Variants in TMEM170B observed in about 807,000 individuals in gnomAD.
TMEM170B encodes transmembrane protein 170B.
TMEM170B carries 6 observed loss-of-function variants against 13.0 expected under a neutral mutation model. The ratio of observed to expected loss-of-function variants is 0.46; its 90% CI spans 0.25 to 0.91. The LOEUF is 0.91. TMEM170B is among the 40% of genes least tolerant of loss of function. The probability of loss-of-function intolerance (pLI) is 0.17; values close to 1 mark genes in which losing one functional copy is unlikely to be tolerated. For missense variants in TMEM170B, 138 were observed against 165.2 expected, an observed-to-expected ratio of 0.84 and a Z score of 0.90; for synonymous variants, 61 against 64.9, an observed-to-expected ratio of 0.94 and a Z score of 0.29.
chr6:11,580,596 C>T lies in TMEM170B; in HGVS notation c.*5035C>T, dbSNP rs773928923. ...GTAAATTACTATTTCTTTTAATAAT[C>T]GGGTGAAACTCTGAATTGTTAAAAC... On this transcript the variant is annotated 3_prime_UTR_variant, in exon 3 of 3. Transcript: ENST00000379426. The T allele has an allele frequency of 3.3e-5, 5 of 152,228 alleles. No individual in the cohort carries two copies. Among genetic ancestry groups the T allele is most frequent in the Admixed American group, 6.5e-5 (1 of 15,296 alleles). The allele number at this position is 152,228 out of a possible 1,614,324, so 9.4% of individuals were successfully genotyped here.
chr6:11,547,544 C>T (rs973483151), intron 1 of TMEM170B, among the ~76,000 whole-genome samples: 6 of 152,054 alleles, frequency 3.9e-5, no homozygotes, highest in African/African-American at 1.4e-4. Context: ...AAGTCCTTAC[C>T]CTTGATAGGT....
chr6:11,549,511 AAGTT>A (rs60383144), intron 1 of TMEM170B, among the ~76,000 whole-genome samples: 8,775 of 152,070 alleles, frequency 0.058, 268 homozygotes, highest in East Asian at 0.16. Flanking sequence ...AAAATACAAA[AAGTT>A]AGCCAGGCGT....
intron 2 of TMEM170B, among the ~76,000 whole-genome samples, chr6:11,572,025 A>G (rs1276245047): frequency 6.6e-6 from 1 of 152,214 alleles, no homozygotes; most frequent in East Asian, 1.9e-4. Context: ...TAAAAAACAA[A>G]AAAGGATGTC....
intron 2 of TMEM170B, among the ~76,000 whole-genome samples, chr6:11,571,621 T>G (rs1182925982): frequency 6.6e-6 from 1 of 152,186 alleles, no homozygotes; most frequent in Admixed American, 6.6e-5. Flanking sequence ...CCTATCCCAC[T>G]TCTCTGCATG....
intron 1 of TMEM170B, among the ~76,000 whole-genome samples, chr6:11,564,690 G>A (rs1233054769): frequency 6.6e-6 from 1 of 152,202 alleles, no homozygotes; most frequent in African/African-American, 2.4e-5. Context: ...AACTCATTAA[G>A]GGACTTGATT....
intron 1 of TMEM170B, among the ~76,000 whole-genome samples, chr6:11,558,493 C>T (rs565118017): frequency 6.6e-6 from 1 of 152,190 alleles, no homozygotes; most frequent in South Asian, 2.1e-4. Context: ...TAAAAAATTC[C>T]AGTGCCCAAG....
rs1759946613 is a variant in TMEM170B at position 11,580,841 on chromosome 6, G to A, written c.*5280G>A. On this transcript the variant is annotated 3_prime_UTR_variant, in exon 3 of 3. Transcript: ENST00000379426. Reference sequence around the variant, plus strand: ...TACTGGATGAGTATGTATACTGCATGTTTACACATGCTGTGTTTCTTTATA... The same window carrying A: ...TACTGGATGAGTATGTATACTGCATATTTACACATGCTGTGTTTCTTTATA... The A allele has an allele frequency of 6.6e-6, 1 of 152,182 alleles. No homozygotes were observed. Among genetic ancestry groups the A allele is most frequent in the African/African-American group, 2.4e-5 (1 of 41,446 alleles). 9.4% of individuals were successfully genotyped at this position (152,182 alleles called of 1,614,324 possible). A position where few individuals can be genotyped will look rare whatever the true frequency, so the allele number is the denominator to read the frequency against.
At chr6:11,570,305 G>C (rs958370092) in intron 2 of TMEM170B, among the ~76,000 whole-genome samples, 39 of 152,086 alleles carry the variant, frequency 2.6e-4, no homozygotes, top group African/African-American at 8.7e-4. Flanking sequence ...AGTTTTATTG[G>C]TGTGGAGAAA....
At chr6:11,544,184 C>T (rs754638723) in intron 1 of TMEM170B, among the ~76,000 whole-genome samples, 7 of 152,096 alleles carry the variant, frequency 4.6e-5, no homozygotes, top group African/African-American at 1.7e-4. Context: ...ATAAATATTA[C>T]GGTACAGGTT....
At chr6:11,544,276 T>C (rs180749250) in intron 1 of TMEM170B, among the ~76,000 whole-genome samples, 7 of 152,266 alleles carry the variant, frequency 4.6e-5, no homozygotes, top group African/African-American at 1.7e-4. Context: ...TCAAAGGAAA[T>C]ACTAGAACAT....
At chr6:11,571,589 A>T (rs1447844309) in intron 2 of TMEM170B, among the ~76,000 whole-genome samples, 2 of 152,044 alleles carry the variant, frequency 1.3e-5, no homozygotes, top group East Asian at 3.9e-4. Context: ...GCAGATCCGC[A>T]TGCGTTATTT....
At position 11,579,556 on chromosome 6, in the gene TMEM170B, A is replaced by G. The variant is rs1759924440; in HGVS notation, c.*3995A>G. 6.6e-6 allele frequency: 1 copy of G among 152,262 alleles called. No homozygotes were observed. Among genetic ancestry groups the G allele is most frequent in the Admixed American group, 6.5e-5 (1 of 15,290 alleles). 9.4% of individuals were successfully genotyped at this position (152,262 alleles called of 1,614,324 possible). A position where few individuals can be genotyped will look rare whatever the true frequency, so the allele number is the denominator to read the frequency against. ...TCCTTACATATGCTTTAGGAAAGAA[A>G]CTAAAAACGTTTTCTTATAATCTTG... On this transcript the variant is annotated 3_prime_UTR_variant, in exon 3 of 3. Transcript: ENST00000379426.
chr6:11,567,101 G>T (rs1424747893), intron 2 of TMEM170B, among the ~76,000 whole-genome samples: 1 of 152,194 alleles, frequency 6.6e-6, no homozygotes, highest in African/African-American at 2.4e-5. Flanking sequence ...ATTCCTGGTG[G>T]GTGGGGGCAG....
chr6:11,564,829 C>T (rs146482648), intron 1 of TMEM170B, among the ~76,000 whole-genome samples: 37 of 152,272 alleles, frequency 2.4e-4, no homozygotes, highest in African/African-American at 7.9e-4. Flanking sequence ...TCAGTTGGTC[C>T]CAATCCAGAA....
In TMEM170B at chr6:11,538,320, G is replaced by C. The variant is rs1312893197; in HGVS notation, c.43G>C (p.Val15Leu). 39 of 1,498,678 alleles carry C rather than the reference G, an allele frequency of 2.6e-5. No individual in the cohort carries two copies. The highest frequency in any genetic ancestry group is 4.7e-5 in the Admixed American group (2 of 42,352). The allele number at this position is 1,498,678 out of a possible 1,614,324, so 92.8% of individuals were successfully genotyped here. A position where few individuals can be genotyped will look rare whatever the true frequency, so the allele number is the denominator to read the frequency against. The change falls in exon 1 of 3, where the codon GTG becomes CTG. Residue 15 changes from valine (V) to leucine (L), a missense_variant. Physicochemically the swap from Val to Leu is conservative, Grantham distance 32. Coordinates refer to ENST00000379426, the MANE Select transcript of TMEM170B (RefSeq NM_001100829.3). ...CGACCACTCCATGATCAACCTGTCG[G>C]TGCAGCAGGTCCTGAGCCTCTGGGC... ...GGDHSMINLS[V>L]QQVLSLWAHG...
chr6:11,539,689 G>A (rs1005350182), intron 1 of TMEM170B, among the ~76,000 whole-genome samples: 4 of 152,158 alleles, frequency 2.6e-5, no homozygotes, highest in African/African-American at 9.7e-5. Context: ...TATAATTCTG[G>A]AAAACTAAAT....
intron 1 of TMEM170B, among the ~76,000 whole-genome samples, chr6:11,549,978 C>T (rs1000363364): frequency 3.6e-4 from 55 of 151,778 alleles, no homozygotes; most frequent in African/African-American, 1.3e-3. Flanking sequence ...TATGTTATCC[C>T]ATATACTTAC....
At chr6:11,564,684 C>T (rs1025299055) in intron 1 of TMEM170B, among the ~76,000 whole-genome samples, 2 of 152,214 alleles carry the variant, frequency 1.3e-5, no homozygotes, top group Non-Finnish European at 2.9e-5. Flanking sequence ...AGAAATAACT[C>T]ATTAAGGGAC....
chr6:11,538,541 C>G (rs1006302501), intron 1 of TMEM170B, among the ~76,000 whole-genome samples, 167 bp downstream of exon 1: 1 of 152,266 alleles, frequency 6.6e-6, no homozygotes, highest in Non-Finnish European at 1.5e-5. Flanking sequence ...CTGCGCGTGT[C>G]CCGGGGGCGC....
Sources: allele counts gnomAD v4.1 joint callset (sites outside exome capture counted in the v4.1 genomes callset), GRCh38; gene constraint gnomAD v4.1.1; transcripts MANE v1.5; gene names NCBI Gene and HGNC (gene_info 2026-07-23, HGNC 2026-07-21).